KIF6: variants seen among roughly 807,000 people sequenced by gnomAD.
KIF6 encodes kinesin family member 6.
KIF6 carries 106 observed loss-of-function variants against 112.7 expected under a neutral mutation model. The ratio of observed to expected loss-of-function variants is 0.94; its 90% CI spans 0.80 to 1.11. The LOEUF (loss-of-function observed/expected upper bound fraction) is 1.11, where lower values mean the gene tolerates loss of function less well. Among genes scored for constraint, KIF6 ranks in the 50% least tolerant of loss-of-function variants. The pLI, the probability that KIF6 is intolerant of heterozygous loss-of-function variation, is 0.00. For synonymous variants in KIF6, 339 were observed against 339.9 expected (o/e 1.00, Z 0.03); for missense variants, 929 against 964.0 (o/e 0.96, Z 0.48).
chr6:39,624,438 A>C lies in KIF6; in HGVS notation c.509+10411T>G, dbSNP rs1563768. ...TTCTAAAGAACAGAATAAAGTGATCAAGCAAGCTTAGAATCATTCAAAGCT... is the reference window on the plus strand; with the variant it reads ...TTCTAAAGAACAGAATAAAGTGATCCAGCAAGCTTAGAATCATTCAAAGCT... On this transcript the variant is annotated intron_variant, in intron 5 of 22. Coordinates refer to ENST00000287152, the MANE Select transcript of KIF6 (RefSeq NM_145027.6). Among the ~76,000 whole-genome samples the C allele has an allele frequency of 9.1e-3, 1,392 of 152,326 alleles. 24 individuals carry two copies. Among genetic ancestry groups the C allele is most frequent in the African/African-American group, 0.031 (1,289 of 41,574 alleles).
chr6:39,400,499 C>A (rs1768615452), intron 15 of KIF6, among the ~76,000 whole-genome samples: 1 of 152,228 alleles, frequency 6.6e-6, no homozygotes, highest in Non-Finnish European at 1.5e-5. Context: ...AAAACAAACA[C>A]ACCTGAGCTA....
chr6:39,334,599 AC>A lies in KIF6; in HGVS notation c.*1932del, dbSNP rs558146326. On this transcript the variant is annotated 3_prime_UTR_variant, in exon 23 of 23. Coordinates refer to ENST00000287152, the MANE Select transcript of KIF6 (RefSeq NM_145027.6). ...CTGCACCCCAGCCTGGCTGACAGAGACCCCCCCCATCTCAAAAAATAAATAA... is the reference window on the plus strand; with the variant it reads ...CTGCACCCCAGCCTGGCTGACAGAGACCCCCCCATCTCAAAAAATAAATAA... 2,643 of 150,500 alleles carry A rather than the reference AC, an allele frequency of 0.018. 76 individuals are homozygous for A. Among genetic ancestry groups the A allele is most frequent in the African/African-American group, 0.06 (2,459 of 40,922 alleles). The allele number at this position is 150,500 out of a possible 1,614,324, so 9.3% of individuals were successfully genotyped here. A position where few individuals can be genotyped will look rare whatever the true frequency, so the allele number is the denominator to read the frequency against.
At chr6:39,580,462 A>G (rs1283242204) in intron 9 of KIF6, among the ~76,000 whole-genome samples, 1 of 151,960 alleles carries the variant, frequency 6.6e-6, no homozygotes, top group Non-Finnish European at 1.5e-5. Flanking sequence ...TCTAATTCTT[A>G]TATATCTTAT....
intron 3 of KIF6, among the ~76,000 whole-genome samples, chr6:39,711,467 C>G (rs1789555714): frequency 6.6e-6 from 1 of 152,034 alleles, no homozygotes; most frequent in Non-Finnish European, 1.5e-5. Context: ...ACCTGCTGGG[C>G]TTAAGTGATC....
chr6:39,714,898 A>T (rs1329342403), intron 2 of KIF6, 132 bp from the exon 3 acceptor site: 1 of 648,962 alleles, frequency 1.5e-6, no homozygotes, highest in Non-Finnish European at 2.7e-6. Context: ...ACTTAGCACA[A>T]TGTTTGCCCT....
At chr6:39,410,108 C>T (rs972741508) in intron 15 of KIF6, among the ~76,000 whole-genome samples, 1 of 152,244 alleles carries the variant, frequency 6.6e-6, no homozygotes, top group African/African-American at 2.4e-5. Flanking sequence ...AGGGACCACA[C>T]GCTTACCAAT....
At chr6:39,522,521 G>C (rs765027129) in intron 13 of KIF6, among the ~76,000 whole-genome samples, 12 of 152,168 alleles carry the variant, frequency 7.9e-5, no homozygotes, top group Non-Finnish European at 8.8e-5. Context: ...GACCACTTCT[G>C]TCTCTACTTC....
intron 3 of KIF6, among the ~76,000 whole-genome samples, chr6:39,645,313 C>A (rs1049570988): frequency 6.6e-6 from 1 of 152,128 alleles, no homozygotes; most frequent in African/African-American, 2.4e-5. Context: ...AGACACAACA[C>A]ATTTACATGC....
At chr6:39,570,570 C>T (rs1441026384) in intron 10 of KIF6, among the ~76,000 whole-genome samples, 2 of 152,026 alleles carry the variant, frequency 1.3e-5, no homozygotes, top group Non-Finnish European at 2.9e-5. Context: ...GGCTGTGTCC[C>T]CACTCAAATC....
intron 3 of KIF6, among the ~76,000 whole-genome samples, chr6:39,700,319 TAAGAGTATTTTATA>T (rs1788807550): frequency 6.6e-6 from 1 of 152,236 alleles, no homozygotes; most frequent in African/African-American, 2.4e-5. Flanking sequence ...TCACTAGAGC[TAAGAGTATTTTATA>T]AACTGTGACA....
At chr6:39,656,856 A>G (rs995858185) in intron 3 of KIF6, among the ~76,000 whole-genome samples, 2 of 152,150 alleles carry the variant, frequency 1.3e-5, no homozygotes, top group African/African-American at 4.8e-5. Context: ...CCTTCCTAAG[A>G]GAGAATGGAG....
At chr6:39,710,860 T>TA (rs1249712942) in intron 3 of KIF6, among the ~76,000 whole-genome samples, 1 of 151,752 alleles carries the variant, frequency 6.6e-6, no homozygotes, top group Non-Finnish European at 1.5e-5. Context: ...CCCATCTCTA[T>TA]AAAAAATTCA....
At chr6:39,720,917 T>A in intron 1 of KIF6, 106 bp from the exon 2 acceptor site, 1 of 618,422 alleles carries the variant, frequency 1.6e-6, no homozygotes, top group Non-Finnish European at 2.9e-6. Flanking sequence ...ACTCTTAAGA[T>A]TAAAAAGTCA....
In KIF6 at chr6:39,718,271, TC is replaced by T. The variant is rs566908792; in HGVS notation, c.176+2430del. Among the ~76,000 whole-genome samples the T allele has an allele frequency of 1.9e-3, 268 of 142,956 alleles. 1 individual carries two copies. Among genetic ancestry groups the T allele is most frequent in the African/African-American group, 6.8e-3 (262 of 38,496 alleles). 93.8% of individuals were successfully genotyped at this position (142,956 alleles called of 152,430 possible). A position where few individuals can be genotyped will look rare whatever the true frequency, so the allele number is the denominator to read the frequency against. The stretch of plus-strand genomic sequence containing the variant: ...AAAAAAAAGAATACTTTGGATAGGG[TC>T]CATAGATAAAGACATAGTAAATTGT... On this transcript the variant is annotated intron_variant, in intron 2 of 22. Coordinates refer to ENST00000287152, the MANE Select transcript of KIF6 (RefSeq NM_145027.6).
chr6:39,583,624 TTTTGA>T (rs1781423215), intron 9 of KIF6: 1 of 340,816 alleles, frequency 2.9e-6, no homozygotes, highest in Non-Finnish European at 6.2e-6. Context: ...GTTGGTTTTT[TTTTGA>T]TTTGAGAAAT....
intron 22 of KIF6, among the ~76,000 whole-genome samples, chr6:39,336,937 TTC>T (rs1266069971): frequency 2.2e-5 from 3 of 134,530 alleles, no homozygotes; most frequent in South Asian, 2.1e-4. Context: ...TCTTCTTTCT[TTC>T]TTTTTCTTTC....
At chr6:39,438,536 A>T (rs1771707090) in intron 13 of KIF6, among the ~76,000 whole-genome samples, 1 of 152,194 alleles carries the variant, frequency 6.6e-6, no homozygotes, top group South Asian at 2.1e-4. Context: ...AAAATGAAAA[A>T]TTTTTAAAAT....
chr6:39,716,831 T>C (rs1789881335), intron 2 of KIF6, among the ~76,000 whole-genome samples: 1 of 152,192 alleles, frequency 6.6e-6, no homozygotes, highest in Non-Finnish European at 1.5e-5. Flanking sequence ...CTTCCTGTGC[T>C]CTTCCTCATC....
chr6:39,700,734 G>A (rs1241546731), intron 3 of KIF6, among the ~76,000 whole-genome samples: 1 of 146,250 alleles, frequency 6.8e-6, no homozygotes, highest in Non-Finnish European at 1.5e-5. Flanking sequence ...TTTTTTTTGA[G>A]TTGGAATCTT....
Sources: allele counts gnomAD v4.1 joint callset (sites outside exome capture counted in the v4.1 genomes callset), GRCh38; gene constraint gnomAD v4.1.1; transcripts MANE v1.5; gene names NCBI Gene and HGNC (gene_info 2026-07-23, HGNC 2026-07-21).